ITPR2: variants seen among roughly 807,000 people sequenced by gnomAD.
ITPR2 encodes inositol 1,4,5-trisphosphate-gated calcium channel ITPR2.
In ITPR2, 207 loss-of-function variants were observed where a neutral mutation model predicts 317.1. The ratio of observed to expected loss-of-function variants is 0.65; its 90% CI spans 0.58 to 0.73. The LOEUF (loss-of-function observed/expected upper bound fraction) is 0.73, where lower values mean the gene tolerates loss of function less well. Ranked by LOEUF, ITPR2 falls within the 30% of genes least tolerant of loss-of-function variation. The pLI is 0.00. For missense variants in ITPR2, 2,613 were observed against 3,284.0 expected, an observed-to-expected ratio of 0.80 and a Z score of 4.99; for synonymous variants, 1,156 against 1,149.1, an observed-to-expected ratio of 1.01 and a Z score of -0.12.
intron 1 of ITPR2, among the ~76,000 whole-genome samples, chr12:26,812,412 A>T (rs1240623276): frequency 6.6e-6 from 1 of 151,564 alleles, no homozygotes; most frequent in African/African-American, 2.4e-5. Flanking sequence ...CCTCATCTCT[A>T]CTAAAAATAC....
At chr12:26,497,157 T>C (rs534476172) in intron 37 of ITPR2, among the ~76,000 whole-genome samples, 4 of 140,260 alleles carry the variant, frequency 2.9e-5, no homozygotes, top group East Asian at 2.0e-4. Flanking sequence ...TTCTCTCTCT[T>C]TTTTTTTTTT....
Position 26,400,248 on chromosome 12 carries a change from CTCT to C in ITPR2, c.7407_7409del (p.Glu2470del). 6.4e-7 allele frequency: 1 copy of C among 1,563,148 alleles called. No homozygotes were observed. On this transcript the variant is annotated inframe_deletion, in exon 53 of 57. Transcript: ENST00000381340. ...ACGTCCTTTCAATTCCATCTTCATACTCTTCATCAGCTATAAAAACACATACAA... is the reference window on the plus strand; with the variant it reads ...ACGTCCTTTCAATTCCATCTTCATACTCATCAGCTATAAAAACACATACAA...
intron 37 of ITPR2, among the ~76,000 whole-genome samples, chr12:26,530,585 A>G (rs1943921138): frequency 6.6e-6 from 1 of 152,174 alleles, no homozygotes. Flanking sequence ...TCTATACATA[A>G]GCTATCCTGC....
At chr12:26,815,658 A>T (rs1950839819) in intron 1 of ITPR2, among the ~76,000 whole-genome samples, 1 of 152,200 alleles carries the variant, frequency 6.6e-6, no homozygotes, top group South Asian at 2.1e-4. Context: ...TCAAACCAGT[A>T]ACAAAAGATA....
At chr12:26,505,467 C>A (rs746804685) in intron 37 of ITPR2, among the ~76,000 whole-genome samples, 1 of 152,140 alleles carries the variant, frequency 6.6e-6, no homozygotes, top group Non-Finnish European at 1.5e-5. Flanking sequence ...ACCCTGAGTC[C>A]TCCTGGCTTT....
intron 45 of ITPR2, among the ~76,000 whole-genome samples, chr12:26,460,045 T>C (rs1565538795): frequency 6.6e-6 from 1 of 152,234 alleles, no homozygotes; most frequent in South Asian, 2.1e-4. Flanking sequence ...TCTCAACTTA[T>C]GGCATTCCCA....
intron 4 of ITPR2, among the ~76,000 whole-genome samples, chr12:26,723,580 T>C (rs1406846206): frequency 2.0e-5 from 3 of 152,184 alleles, no homozygotes; most frequent in East Asian, 3.8e-4. Flanking sequence ...TTATCCATCA[T>C]TCGATTAAGT....
chr12:26,412,251 T>C (rs1421155969), intron 51 of ITPR2, among the ~76,000 whole-genome samples: 1 of 152,108 alleles, frequency 6.6e-6, no homozygotes, highest in Non-Finnish European at 1.5e-5. Flanking sequence ...TCAGCTGAGA[T>C]GGGGTAGAAA....
intron 21 of ITPR2, among the ~76,000 whole-genome samples, chr12:26,648,578 G>C (rs1947168305): frequency 1.5e-5 from 2 of 132,390 alleles, no homozygotes; most frequent in South Asian, 4.8e-4. Context: ...CATTAAAAGA[G>C]AAAAATACTT....
intron 32 of ITPR2, among the ~76,000 whole-genome samples, chr12:26,585,333 C>T (rs1245234709): frequency 6.6e-6 from 1 of 152,062 alleles, no homozygotes; most frequent in African/African-American, 2.4e-5. Context: ...CTTTAACATC[C>T]ATCATATAGA....
chr12:26,624,864 T>G (rs984038947), intron 23 of ITPR2, among the ~76,000 whole-genome samples: 1 of 152,150 alleles, frequency 6.6e-6, no homozygotes, highest in Non-Finnish European at 1.5e-5. Flanking sequence ...GAAATTTGTA[T>G]GTCAAAGAGA....
intron 2 of ITPR2, among the ~76,000 whole-genome samples, chr12:26,728,487 A>T (rs1948972873): frequency 1.3e-5 from 2 of 152,106 alleles, no homozygotes; most frequent in African/African-American, 4.8e-5. Context: ...TAAATAATTG[A>T]TCTGTTTCTG....
At chr12:26,569,110 A>G (rs1945087214) in intron 34 of ITPR2, among the ~76,000 whole-genome samples, 1 of 152,202 alleles carries the variant, frequency 6.6e-6, no homozygotes, top group Non-Finnish European at 1.5e-5. Flanking sequence ...GAGACAAACC[A>G]AAACTATGAA....
chr12:26,601,395 G>A (rs2136743937), intron 28 of ITPR2, among the ~76,000 whole-genome samples: 1 of 152,274 alleles, frequency 6.6e-6, no homozygotes. Context: ...CCCACCAAAT[G>A]GAAATGGGGC....
chr12:26,670,750 C>G (rs1445202103), intron 13 of ITPR2, among the ~76,000 whole-genome samples: 2 of 152,148 alleles, frequency 1.3e-5, no homozygotes, highest in Non-Finnish European at 2.9e-5. Flanking sequence ...TCAAACTACT[C>G]CGAGCTACAG....
At chr12:26,639,339 G>A (rs191595469) in intron 21 of ITPR2, among the ~76,000 whole-genome samples, 5 of 152,266 alleles carry the variant, frequency 3.3e-5, no homozygotes, top group East Asian at 3.9e-4. Flanking sequence ...TACCCTTTGC[G>A]GAAGTAAAAT....
At chr12:26,746,098 A>G (rs1949317723) in intron 2 of ITPR2, among the ~76,000 whole-genome samples, 1 of 152,124 alleles carries the variant, frequency 6.6e-6, no homozygotes, top group Admixed American at 6.5e-5. Context: ...TAAATTACCC[A>G]GAAGAATAGG....
intron 37 of ITPR2, among the ~76,000 whole-genome samples, chr12:26,532,297 A>G (rs1943964693): frequency 6.6e-6 from 1 of 152,246 alleles, no homozygotes; most frequent in Admixed American, 6.5e-5. Context: ...TGCCAAAACA[A>G]ATAGCAAAAT....
intron 2 of ITPR2, among the ~76,000 whole-genome samples, chr12:26,775,602 G>A (rs1012622215): frequency 6.6e-6 from 1 of 152,144 alleles, no homozygotes; most frequent in Non-Finnish European, 1.5e-5. Context: ...GATCTTGGGT[G>A]TATCTGTGAG....
Sources: gnomAD v4.1 joint callset for allele counts (sites outside exome capture counted in the v4.1 genomes callset) on GRCh38, gnomAD v4.1.1 for gene constraint, MANE v1.5 for transcripts, NCBI Gene and HGNC (gene_info 2026-07-23, HGNC 2026-07-21) for gene names.